Variants in CIT observed in about 807,000 individuals in gnomAD.
The protein encoded by CIT is citron rho-interacting serine/threonine kinase, also known as citron Rho-interacting kinase.
CIT carries 79 observed loss-of-function variants against 272.7 expected under a neutral mutation model. That is an observed-to-expected ratio of 0.29 (90% CI 0.24 to 0.35). The LOEUF (loss-of-function observed/expected upper bound fraction) is 0.35, where lower values mean the gene tolerates loss of function less well. CIT is among the 10% of genes least tolerant of loss of function. The pLI is 1.00. For synonymous variants in CIT, 948 were observed against 995.6 expected (o/e 0.95, Z 0.90); for missense variants, 1,909 against 2,618.3 (o/e 0.73, Z 5.91).
At chr12:119,748,350 CAAG>C (rs1959742983) in intron 23 of CIT, among the ~76,000 whole-genome samples, 1 of 152,112 alleles carries the variant, frequency 6.6e-6, no homozygotes, top group Admixed American at 6.5e-5. Flanking sequence ...AGGAAAGTTA[CAAG>C]AAGAAGAAAG....
chr12:119,730,341 T>C (rs1385118753), intron 27 of CIT, among the ~76,000 whole-genome samples, 154 bp downstream of exon 27: 1 of 150,078 alleles, frequency 6.7e-6, no homozygotes, highest in South Asian at 2.2e-4. Context: ...AAATGTCCCA[T>C]GGTAAGGCAA....
In CIT at chr12:119,686,180, T is replaced by C. The variant is rs887182574; in HGVS notation, c.*2052A>G. On this transcript the variant is annotated 3_prime_UTR_variant, in exon 48 of 48. Coordinates refer to ENST00000392521, the MANE Select transcript of CIT (RefSeq NM_001206999.2). ...AAGTTTCTTGTAAATATGTACAGTC[T>C]TTTGAGCTAGTTCTATATAGCAGAA... is the stretch of plus-strand genomic sequence containing the variant. The C allele has an allele frequency of 1.2e-4, 19 of 152,558 alleles. No individual in the cohort carries two copies. In the East Asian group the frequency reaches 3.3e-3, roughly 26 times the overall value. 9.5% of individuals were successfully genotyped at this position (152,558 alleles called of 1,614,324 possible).
At chr12:119,752,023 C>T in intron 23 of CIT, 27 bp downstream of exon 23, 6 of 1,597,564 alleles carry the variant, frequency 3.8e-6, no homozygotes, top group Admixed American at 1.7e-5. Flanking sequence ...CCTTTAGCAA[C>T]CTGAAGATGT....
chr12:119,776,322 A>G, intron 15 of CIT, 36 bp downstream of exon 15: 1 of 1,578,672 alleles, frequency 6.3e-7, no homozygotes, highest in Non-Finnish European at 8.7e-7. Context: ...TATCTACCCA[A>G]AATATTAATA....
chr12:119,807,655 G>T (rs1966687841), intron 9 of CIT, among the ~76,000 whole-genome samples: 2 of 152,058 alleles, frequency 1.3e-5, no homozygotes, highest in African/African-American at 4.8e-5. Context: ...TGTAAAGAGA[G>T]CACCTAACAT....
intron 5 of CIT, among the ~76,000 whole-genome samples, chr12:119,847,566 C>T (rs928533645): frequency 6.6e-6 from 1 of 151,610 alleles, no homozygotes; most frequent in Non-Finnish European, 1.5e-5. Flanking sequence ...TGTACTCCAG[C>T]CTGGTGACAG....
chr12:119,830,167 C>A (rs2138101077), intron 7 of CIT, among the ~76,000 whole-genome samples: 1 of 150,362 alleles, frequency 6.7e-6, no homozygotes, highest in Middle Eastern at 3.4e-3. Flanking sequence ...GCACTTAATG[C>A]AAAAAATTCC....
At position 119,712,313 on chromosome 12, in the gene CIT, C is replaced by G. The variant is rs754214404; in HGVS notation, c.4719G>C (p.Pro1573=). The G allele has an allele frequency of 1.2e-6, 2 of 1,613,456 alleles. No individual in the cohort carries two copies. Among genetic ancestry groups the G allele is most frequent in the African/African-American group, 1.3e-5 (1 of 75,036 alleles). Residue 1573 remains proline (P), a synonymous_variant, in exon 37 of 48, where the codon CCG becomes CCC. Transcript: ENST00000392521. The surrounding 1 kb of genome is among the most constrained non-coding windows in gnomAD (Gnocchi z 5.2). ...VPYILKMESH[P]HTTCWPGRTL... Reference sequence around the variant, plus strand: ...TTCTCCCGGGCCAGCAGGTGGTGTGCGGGTGAGATTCCATCTTCAGTATGT... The same window carrying G: ...TTCTCCCGGGCCAGCAGGTGGTGTGGGGGTGAGATTCCATCTTCAGTATGT...
chr12:119,785,137 A>G (rs1964670698), intron 10 of CIT, 72 bp from the exon 11 acceptor site: 3 of 1,485,670 alleles, frequency 2.0e-6, no homozygotes, highest in Non-Finnish European at 2.7e-6. Context: ...AAGCTGCAAC[A>G]TTTGTTTCAT....
At chr12:119,815,869 G>A (rs1248462890) in intron 9 of CIT, among the ~76,000 whole-genome samples, 2 of 152,170 alleles carry the variant, frequency 1.3e-5, no homozygotes, top group Admixed American at 6.5e-5. Flanking sequence ...GGGGTGGGAA[G>A]GAGGCATTTT....
chr12:119,820,377 C>A (rs1315383422), intron 9 of CIT, among the ~76,000 whole-genome samples: 2 of 151,802 alleles, frequency 1.3e-5, no homozygotes, highest in African/African-American at 2.4e-5. Flanking sequence ...ATGGTGAAAC[C>A]CTGTCTCTAC....
chr12:119,788,007 T>C (rs1263422720), intron 10 of CIT, among the ~76,000 whole-genome samples: 2 of 152,198 alleles, frequency 1.3e-5, no homozygotes, highest in Non-Finnish European at 2.9e-5. Flanking sequence ...ACTTCATAAA[T>C]AGTACATGCC....
chr12:119,874,927 A>G (rs886120599), intron 2 of CIT, among the ~76,000 whole-genome samples: 1 of 152,020 alleles, frequency 6.6e-6, no homozygotes, highest in African/African-American at 2.4e-5. Flanking sequence ...ACATCCCTGC[A>G]ATGAAAATGA....
chr12:119,779,079 A>C (rs1274944176), intron 13 of CIT, among the ~76,000 whole-genome samples: 1 of 152,062 alleles, frequency 6.6e-6, no homozygotes, highest in African/African-American at 2.4e-5. Context: ...AATTAGCCAG[A>C]CATGGTGGTG....
At chr12:119,707,725 C>T (rs961830360) in intron 40 of CIT, among the ~76,000 whole-genome samples, 13 of 152,174 alleles carry the variant, frequency 8.5e-5, no homozygotes, top group Non-Finnish European at 1.6e-4. Flanking sequence ...TGGTCTTGAT[C>T]TCTTGACCTC....
intron 9 of CIT, among the ~76,000 whole-genome samples, chr12:119,820,499 G>A (rs1422485888): frequency 2.0e-5 from 3 of 152,194 alleles, no homozygotes; most frequent in South Asian, 2.1e-4. Flanking sequence ...GCAGTGAGCC[G>A]AGATCGTGCC....
intron 22 of CIT, among the ~76,000 whole-genome samples, chr12:119,756,284 AC>A (rs1392496105): frequency 6.6e-6 from 1 of 152,206 alleles, no homozygotes; most frequent in African/African-American, 2.4e-5. Flanking sequence ...AAGGAACGAA[AC>A]ACAGGAACGA....
chr12:119,844,021 C>CTTTT (rs113598683), intron 5 of CIT, among the ~76,000 whole-genome samples: 1 of 134,658 alleles, frequency 7.4e-6, no homozygotes, highest in Non-Finnish European at 1.6e-5. Flanking sequence ...GGTACACACA[C>CTTTT]TTTTTTTTTT....
intron 4 of CIT, among the ~76,000 whole-genome samples, chr12:119,854,836 AG>A (rs1970481337): frequency 6.6e-6 from 1 of 152,094 alleles, no homozygotes; most frequent in African/African-American, 2.4e-5. Flanking sequence ...CTGTAATCCC[AG>A]CTATTCAGGA....
Sources: gnomAD v4.1 joint callset for allele counts (sites outside exome capture counted in the v4.1 genomes callset) on GRCh38, gnomAD v4.1.1 for gene constraint, Gnocchi (gnomAD v3.1) non-coding constraint, MANE v1.5 for transcripts, NCBI Gene and HGNC (gene_info 2026-07-23, HGNC 2026-07-21) for gene names.